Variants in ROBO2 observed in about 807,000 individuals in gnomAD.
ROBO2 encodes roundabout guidance receptor 2, also known as roundabout homolog 2.
ROBO2 carries 53 observed loss-of-function variants against 160.8 expected under a neutral mutation model. That is an observed-to-expected ratio of 0.33 (90% CI 0.26 to 0.41). The LOEUF (loss-of-function observed/expected upper bound fraction) is 0.41. ROBO2 is among the 10% of genes least tolerant of loss of function. The pLI is 1.00. For synonymous variants in ROBO2, 664 were observed against 611.7 expected (o/e 1.09, Z -1.26); for missense variants, 1,577 against 1,722.4 (o/e 0.92, Z 1.49).
chr3:76,353,208 T>A lies in ROBO2; in HGVS notation c.109+415606T>A, dbSNP rs551005726. Among the ~76,000 whole-genome samples, 3 of 152,098 alleles carry A rather than the reference T, an allele frequency of 2.0e-5. No homozygotes were observed. The East Asian group carries it at 5.8e-4, about 30-fold the overall frequency. On this transcript the variant is annotated intron_variant, in intron 2 of 26. Coordinates refer to the ROBO2 transcript ENST00000487694. The stretch of plus-strand genomic sequence containing the variant: ...GAGGCAGGTCTGTCCTGATATGATC[T>A]TTTTAGCCATTTCAATAACTAAATT...
intron 2 of ROBO2, among the ~76,000 whole-genome samples, chr3:77,283,517 CTAAAA>C: frequency 6.6e-6 from 1 of 152,210 alleles, no homozygotes; most frequent in African/African-American, 2.4e-5. Context: ...ATTTTTATCT[CTAAAA>C]TAAGAGTATA....
chr3:77,167,839 A>G (rs2079241321), intron 2 of ROBO2, among the ~76,000 whole-genome samples: 1 of 152,142 alleles, frequency 6.6e-6, no homozygotes, highest in East Asian at 1.9e-4. Flanking sequence ...GTTATTGGAC[A>G]ACTGGACCTT....
chr3:76,726,823 G>C (rs2093559857), intron 2 of ROBO2, among the ~76,000 whole-genome samples: 1 of 152,184 alleles, frequency 6.6e-6, no homozygotes, highest in Non-Finnish European at 1.5e-5. Flanking sequence ...ATGAATTCCA[G>C]AGGCAAAGAA....
intron 2 of ROBO2, among the ~76,000 whole-genome samples, chr3:76,179,189 G>C (rs1701380842): frequency 6.6e-6 from 1 of 152,044 alleles, no homozygotes; most frequent in South Asian, 2.1e-4. Context: ...GCCTACTAGA[G>C]AGCAAGTGGT....
intron 2 of ROBO2, among the ~76,000 whole-genome samples, chr3:75,953,058 AAGGCT>A (rs1419074499): frequency 6.6e-6 from 1 of 151,968 alleles, no homozygotes; most frequent in African/African-American, 2.4e-5. Context: ...GATCATGAAT[AAGGCT>A]CCTATAACAT....
At chr3:75,916,933 C>T (rs1946835975) in intron 1 of ROBO2, among the ~76,000 whole-genome samples, 1 of 151,958 alleles carries the variant, frequency 6.6e-6, no homozygotes, top group South Asian at 2.1e-4. Context: ...CATATATTCA[C>T]ACTCATAATG....
chr3:75,939,145 G>T (rs796863354), intron 2 of ROBO2, among the ~76,000 whole-genome samples: 1 of 150,310 alleles, frequency 6.7e-6, no homozygotes, highest in East Asian at 2.0e-4. Flanking sequence ...GCCGCGTTGG[G>T]TTTCTGTGGC....
chr3:76,575,946 G>A (rs889092543), intron 2 of ROBO2, among the ~76,000 whole-genome samples: 1 of 151,810 alleles, frequency 6.6e-6, no homozygotes, highest in African/African-American at 2.4e-5. Flanking sequence ...CAAGTTCTTA[G>A]TGCAAGGAGT....
chr3:77,021,987 T>TC (rs1229272916), intron 2 of ROBO2, among the ~76,000 whole-genome samples: 4 of 152,098 alleles, frequency 2.6e-5, no homozygotes, highest in African/African-American at 9.7e-5. Context: ...ATACCTATAA[T>TC]CCCAACACTT....
At chr3:76,344,377 GA>G (rs1349328957) in intron 2 of ROBO2, among the ~76,000 whole-genome samples, 1 of 152,096 alleles carries the variant, frequency 6.6e-6, no homozygotes, top group Non-Finnish European at 1.5e-5. Context: ...TAAAGTATGA[GA>G]AAAAATTTCA....
At chr3:76,140,178 C>A (rs1036540985) in intron 2 of ROBO2, among the ~76,000 whole-genome samples, 2 of 151,968 alleles carry the variant, frequency 1.3e-5, no homozygotes, top group African/African-American at 4.8e-5. Flanking sequence ...ATTTGAAGAA[C>A]CTACATGAAA....
intron 2 of ROBO2, among the ~76,000 whole-genome samples, chr3:77,140,424 G>A (rs1189128248): frequency 6.6e-6 from 1 of 152,026 alleles, no homozygotes; most frequent in Non-Finnish European, 1.5e-5. Flanking sequence ...TCATGAAATT[G>A]GATATTAAAT....
intron 4 of ROBO2, among the ~76,000 whole-genome samples, chr3:77,483,386 A>C (rs2084939240): frequency 6.6e-6 from 1 of 152,106 alleles, no homozygotes; most frequent in Non-Finnish European, 1.5e-5. Context: ...ACAGTGTACT[A>C]TTAATAGGGA....
intron 2 of ROBO2, among the ~76,000 whole-genome samples, chr3:76,996,745 T>C (rs574123245): frequency 6.6e-6 from 1 of 152,156 alleles, no homozygotes; most frequent in Non-Finnish European, 1.5e-5. Flanking sequence ...TAAACTATGG[T>C]GGATTTTGAA....
intron 2 of ROBO2, among the ~76,000 whole-genome samples, chr3:76,227,760 T>G (rs1190173569): frequency 6.6e-6 from 1 of 152,160 alleles, no homozygotes; most frequent in African/African-American, 2.4e-5. Flanking sequence ...TGAAATCACC[T>G]ACCCCACCCT....
intron 2 of ROBO2, among the ~76,000 whole-genome samples, chr3:76,038,676 C>T (rs916232122): frequency 4.6e-5 from 7 of 151,880 alleles, no homozygotes; most frequent in Non-Finnish European, 8.8e-5. Flanking sequence ...CTATTGATCC[C>T]AAGAGAATTC....
chr3:76,992,549 G>A (rs953296546), intron 2 of ROBO2, among the ~76,000 whole-genome samples: 4 of 151,380 alleles, frequency 2.6e-5, no homozygotes, highest in Non-Finnish European at 4.4e-5. Flanking sequence ...CCGTAATTTC[G>A]TGAGAAAAAA....
chr3:77,048,666 G>A (rs148101884), intron 1 of ROBO2, among the ~76,000 whole-genome samples: 9 of 152,270 alleles, frequency 5.9e-5, no homozygotes, highest in Admixed American at 2.0e-4. Context: ...TCACTAATTC[G>A]TTTTCTAGAT....
chr3:77,558,120 C>G (rs1358597290), exon 9 of ROBO2: 1 of 1,613,048 alleles, frequency 6.2e-7, no homozygotes, highest in Non-Finnish European at 8.5e-7. Flanking sequence ...AATTCAAGAG[C>G]AAGGCACACT....
Sources: gnomAD v4.1 joint callset for allele counts (sites outside exome capture counted in the v4.1 genomes callset) on GRCh38, gnomAD v4.1.1 for gene constraint, MANE v1.5 for transcripts, NCBI Gene and HGNC (gene_info 2026-07-23, HGNC 2026-07-21) for gene names.